APH1B: variants seen among roughly 807,000 people sequenced by gnomAD.
The protein encoded by APH1B is gamma-secretase subunit APH-1B.
A neutral mutation model predicts 28.2 loss-of-function variants in APH1B; 27 were observed. That is an observed-to-expected ratio of 0.96 (90% CI 0.70 to 1.32). The LOEUF (loss-of-function observed/expected upper bound fraction) is 1.32. Among genes scored for constraint, APH1B ranks in the 40% most tolerant of loss-of-function variants. The pLI is 0.00. For missense variants in APH1B, 305 were observed against 313.6 expected (o/e 0.97, Z 0.21); for synonymous variants, 141 against 124.6 (o/e 1.13, Z -0.88).
intron 3 of APH1B, 59 bp from the exon 4 acceptor site, chr15:63,287,365 G>A: frequency 1.2e-6 from 2 of 1,600,450 alleles, no homozygotes; most frequent in Non-Finnish European, 1.7e-6. Flanking sequence ...CTAGTCCTTG[G>A]AAATTTGACT....
intron 3 of APH1B, 68 bp downstream of exon 3, chr15:63,286,696 T>C: frequency 7.2e-7 from 1 of 1,387,072 alleles, no homozygotes; most frequent in Non-Finnish European, 9.9e-7. Context: ...ATTTGCATCT[T>C]TTGTATCTTT....
In APH1B at chr15:63,285,691, C is replaced by T. The variant is rs560196378; in HGVS notation, c.285-867C>T. Among the ~76,000 whole-genome samples, 4 of 152,252 alleles carry T rather than the reference C, an allele frequency of 2.6e-5. No homozygotes were observed. The East Asian group carries it at 5.8e-4, about 22-fold the overall frequency. On this transcript the variant is annotated intron_variant, in intron 2 of 5. Transcript: ENST00000261879. ...CTTGCTGTGTGGTCCAGGCTGGTCTCGAACTCCTGGATGCAAGTGATCCTC... is the reference window on the plus strand; with the variant it reads ...CTTGCTGTGTGGTCCAGGCTGGTCTTGAACTCCTGGATGCAAGTGATCCTC...
Position 63,308,481 on chromosome 15 carries a change from C to T in APH1B, c.*2700C>T, listed in dbSNP as rs2038709716. Reference sequence around the variant, plus strand: ...TATCTGCAGACTGCGTAGAAAATGGCTTTTGTTCCCAGCGTTAACATTTTC... The same window carrying T: ...TATCTGCAGACTGCGTAGAAAATGGTTTTTGTTCCCAGCGTTAACATTTTC... On this transcript the variant is annotated 3_prime_UTR_variant, in exon 6 of 6. Coordinates refer to ENST00000261879, the MANE Select transcript of APH1B (RefSeq NM_031301.4). The T allele has an allele frequency of 6.6e-6, 1 of 152,188 alleles. No homozygotes were observed. 9.4% of individuals were successfully genotyped at this position (152,188 alleles called of 1,614,324 possible). A position where few individuals can be genotyped will look rare whatever the true frequency, so the allele number is the denominator to read the frequency against.
At chr15:63,286,003 G>C (rs955396850) in intron 2 of APH1B, among the ~76,000 whole-genome samples, 10 of 152,214 alleles carry the variant, frequency 6.6e-5, no homozygotes, top group African/African-American at 2.2e-4. Flanking sequence ...GGAGAGATTA[G>C]TGATTACCAA....
At chr15:63,285,827 G>A (rs905077540) in intron 2 of APH1B, among the ~76,000 whole-genome samples, 2 of 152,132 alleles carry the variant, frequency 1.3e-5, no homozygotes, top group Admixed American at 6.6e-5. Flanking sequence ...TGTTCTGAGG[G>A]TAGCATTTTA....
chr15:63,287,559 T>A lies in APH1B; in HGVS notation c.478+13T>A. ...TTCCTTTATTCAGGTATGTGTCTCATAGCTGTCAACATTCAGGCTTCTAGT... is the reference window on the plus strand; with the variant it reads ...TTCCTTTATTCAGGTATGTGTCTCAAAGCTGTCAACATTCAGGCTTCTAGT... On this transcript the variant is annotated intron_variant, in intron 4 of 5. Coordinates refer to ENST00000261879, the MANE Select transcript of APH1B (RefSeq NM_031301.4). 1 of 1,612,698 alleles carries A rather than the reference T, an allele frequency of 6.2e-7. No individual in the cohort carries two copies.
chr15:63,298,290 G>A (rs189131498), intron 4 of APH1B, among the ~76,000 whole-genome samples: 1 of 152,184 alleles, frequency 6.6e-6, no homozygotes, highest in African/African-American at 2.4e-5. Context: ...GGCTCGTGTA[G>A]CCTCAACCTC....
chr15:63,305,635 G>A lies in APH1B; in HGVS notation c.628G>A (p.Gly210Arg), dbSNP rs760667505. 1 of 1,614,098 alleles carries A rather than the reference G, an allele frequency of 6.2e-7. No homozygotes were observed. The highest frequency in any genetic ancestry group is 8.5e-7 in the Non-Finnish European group (1 of 1,180,020). ...SAQTFISSYY[G>R]INLASAFIIL... Reference sequence around the variant, plus strand: ...GCAGACCTTCATAAGTTCTTATTATGGAATAAACCTGGCGTCAGCATTTAT... The same window carrying A: ...GCAGACCTTCATAAGTTCTTATTATAGAATAAACCTGGCGTCAGCATTTAT... The change falls in exon 6 of 6, where the codon GGA (glycine) becomes AGA (arginine). Residue 210 changes from glycine (G) to arginine (R), a missense_variant. By Grantham distance (125) the Gly-to-Arg change is moderately radical. Coordinates refer to ENST00000261879, the MANE Select transcript of APH1B (RefSeq NM_031301.4).
At chr15:63,296,314 CACA>C (rs1289134398) in intron 4 of APH1B, among the ~76,000 whole-genome samples, 3 of 152,196 alleles carry the variant, frequency 2.0e-5, no homozygotes, top group African/African-American at 7.2e-5. Context: ...CATTGATCTT[CACA>C]TCCTGCCTCT....
intron 4 of APH1B, chr15:63,292,122 G>T (rs1043887024): frequency 6.6e-6 from 1 of 152,208 alleles, no homozygotes. Flanking sequence ...GTTTAGACTC[G>T]ACTGAAAGCT....
At position 63,287,483 on chromosome 15, in the gene APH1B, G is replaced by A; in HGVS notation, c.415G>A (p.Asp139Asn). ...ATTTTCCTTTGTGAATACCCTATCT[G>A]ACTCCTTGGGGCCAGGCACAGTGGG... ...GVFSFVNTLS[D>N]SLGPGTVGIH... Residue 139 changes from aspartate (D) to asparagine (N), a missense_variant, in exon 4 of 6, where the codon GAC becomes AAC. Transcript: ENST00000261879. 1 of 1,614,030 alleles carries A rather than the reference G, an allele frequency of 6.2e-7. No individual in the cohort carries two copies. The highest frequency in any genetic ancestry group is 8.5e-7 in the Non-Finnish European group (1 of 1,179,934).
At chr15:63,302,323 C>T (rs200176737) in intron 4 of APH1B, 22 bp from the exon 5 acceptor site, 11 of 1,612,052 alleles carry the variant, frequency 6.8e-6, no homozygotes, top group Non-Finnish European at 8.5e-6. Flanking sequence ...AGGAGTGACA[C>T]TAATGGTCGG....
At chr15:63,281,473 G>A (rs1208773039) in intron 2 of APH1B, among the ~76,000 whole-genome samples, 2 of 150,806 alleles carry the variant, frequency 1.3e-5, no homozygotes, top group African/African-American at 4.9e-5. Flanking sequence ...ACATTGCACT[G>A]GGTTTTCCTG....
rs909824494 is a variant in APH1B, at chr15:63,306,614, C to G, written c.*833C>G. 2.0e-5 allele frequency: 3 copies of G among 152,298 alleles called. No homozygotes were observed. Among genetic ancestry groups the G allele is most frequent in the African/African-American group, 7.2e-5 (3 of 41,476 alleles). 9.4% of individuals were successfully genotyped at this position (152,298 alleles called of 1,614,324 possible). On this transcript the variant is annotated 3_prime_UTR_variant, in exon 6 of 6. Transcript: ENST00000261879. ...GGCCGTTGGCTGCAGCGTTCACCAT[C>G]TGAGTGCCAGTTGCTGGACTAGTTG... is the stretch of plus-strand genomic sequence containing the variant.
In APH1B at chr15:63,302,415, GA is replaced by G. The variant is rs745918508; in HGVS notation, c.554del (p.Lys185SerfsTer10). On this transcript the variant is annotated frameshift_variant, in exon 5 of 6. Coordinates refer to ENST00000261879, the MANE Select transcript of APH1B (RefSeq NM_031301.4). LOFTEE classifies it high-confidence loss of function. The stretch of plus-strand genomic sequence containing the variant: ...TTGTATTTTTTGATGGCTGTGAGAA[GA>G]AAAAGTGGGGCATCCTCCTTATCGT... ...GIVFFDGCEK[K>X]KWGILLIVLL... 7.1e-5 allele frequency: 114 copies of G among 1,614,016 alleles called. No homozygotes were observed. The highest frequency in any genetic ancestry group is 1.6e-4 in the Middle Eastern group (1 of 6,076).
At chr15:63,286,422 A>T (rs983526865) in intron 2 of APH1B, 136 bp from the exon 3 acceptor site, 1 of 652,518 alleles carries the variant, frequency 1.5e-6, no homozygotes, top group Non-Finnish European at 2.4e-6. Context: ...TAAATAAATT[A>T]CAGATTTAGA....
intron 3 of APH1B, 93 bp downstream of exon 3, chr15:63,286,721 G>A: frequency 8.4e-7 from 1 of 1,196,446 alleles, no homozygotes; most frequent in Non-Finnish European, 1.2e-6. Flanking sequence ...ATTTCAAGTA[G>A]TTGTTTATTA....
At chr15:63,287,076 T>G (rs2038454626) in intron 3 of APH1B, 1 of 247,604 alleles carries the variant, frequency 4.0e-6, no homozygotes, top group Non-Finnish European at 7.7e-6. Flanking sequence ...TCAATTTCAG[T>G]TCTAAGCCAT....
rs2152604286 is a variant in APH1B at position 63,308,396 on chromosome 15, TAGC to T, written c.*2622_*2624del. The T allele has an allele frequency of 6.6e-6, 1 of 152,358 alleles. No individual in the cohort carries two copies. Among genetic ancestry groups the T allele is most frequent in the African/African-American group, 2.4e-5 (1 of 41,594 alleles). The allele number at this position is 152,358 out of a possible 1,614,324, so 9.4% of individuals were successfully genotyped here. A position where few individuals can be genotyped will look rare whatever the true frequency, so the allele number is the denominator to read the frequency against. On this transcript the variant is annotated 3_prime_UTR_variant, in exon 6 of 6. Transcript: ENST00000261879. ...CTGGCTTGCCTGACTGGCTGTATAA[TAGC>T]AGCAGCCTCTTTTAGAGCATCTTAA...
Sources: allele counts gnomAD v4.1 joint callset (sites outside exome capture counted in the v4.1 genomes callset), GRCh38; gene constraint gnomAD v4.1.1; transcripts MANE v1.5; gene names NCBI Gene and HGNC (gene_info 2026-07-23, HGNC 2026-07-21).